TNS1: variants seen among roughly 807,000 people sequenced by gnomAD.
TNS1 encodes the protein tensin 1.
Under a neutral mutation model 168.6 loss-of-function variants are expected in TNS1, and 62 were observed. That is an observed-to-expected ratio of 0.37 (90% confidence interval 0.30 to 0.45). TNS1 has a LOEUF of 0.45. Ranked by LOEUF, TNS1 falls within the 20% of genes least tolerant of loss-of-function variation. TNS1 has a pLI of 1.00. For missense variants in TNS1, 2,240 were observed against 2,339.4 expected, an observed-to-expected ratio of 0.96 and a Z score of 0.88; for synonymous variants, 934 against 933.2, an observed-to-expected ratio of 1.00 and a Z score of -0.02.
chr2:217,975,463 A>G (rs979391146), intron 3 of TNS1, among the ~76,000 whole-genome samples: 2 of 152,168 alleles, frequency 1.3e-5, no homozygotes, highest in Non-Finnish European at 2.9e-5. Flanking sequence ...TGCTGCAGGA[A>G]CAGTGAGGGT....
At chr2:217,830,302 G>C in intron 22 of TNS1, 1 of 1,605,166 alleles carries the variant, frequency 6.2e-7, no homozygotes, top group Non-Finnish European at 8.5e-7. Context: ...CCGACACTCT[G>C]AGTGGGAGGC....
chr2:217,962,825 A>G (rs74422933), intron 3 of TNS1, among the ~76,000 whole-genome samples: 18,027 of 152,156 alleles, frequency 0.12, 1,106 homozygotes, highest in Middle Eastern at 0.16. Context: ...CACGATGACC[A>G]CATGCAATGT....
chr2:217,882,140 C>A (rs565830794), intron 17 of TNS1: 3 of 497,884 alleles, frequency 6.0e-6, no homozygotes, highest in African/African-American at 4.1e-5. Flanking sequence ...GCCTCTCTGT[C>A]TGCTTTTTTA....
At chr2:217,866,685 A>C (rs747828425) in intron 18 of TNS1, among the ~76,000 whole-genome samples, 1 of 152,188 alleles carries the variant, frequency 6.6e-6, no homozygotes, top group Non-Finnish European at 1.5e-5. Context: ...GCTAGTCCGC[A>C]GCCTCTCAGG....
intron 3 of TNS1, among the ~76,000 whole-genome samples, chr2:217,978,029 C>T (rs1957937583): frequency 6.6e-6 from 1 of 152,146 alleles, no homozygotes; most frequent in Admixed American, 6.5e-5. Context: ...GTGCCAATCC[C>T]CCACCCCCTG....
rs932638947 is a variant in TNS1 at position 217,803,477 on chromosome 2, G to A, written c.*982C>T. 1 of 152,404 alleles carries A rather than the reference G, an allele frequency of 6.6e-6. No individual in the cohort carries two copies. Among genetic ancestry groups the A allele is most frequent in the African/African-American group, 2.4e-5 (1 of 41,462 alleles). 9.4% of individuals were successfully genotyped at this position (152,404 alleles called of 1,614,324 possible). ...TTGCTGCTGAGCCACATGCCTTGGG[G>A]AAGACACCCCGAGCTCAACAGCTGC... On this transcript the variant is annotated 3_prime_UTR_variant, in exon 33 of 33. Coordinates refer to ENST00000682258, the MANE Select transcript of TNS1 (RefSeq NM_001387777.1).
rs114653141 is a variant in TNS1, at chr2:217,908,941, C to T, written c.229-1690G>A. Among the ~76,000 whole-genome samples the T allele has an allele frequency of 2.4e-3, 358 of 152,178 alleles. 1 individual carries two copies. The highest frequency in any genetic ancestry group is 7.8e-3 in the African/African-American group (325 of 41,524). ...GAGGAATAATGATGGCACGTTCTGC[C>T]CTCTCTCAGCTCAGCCCTAATCCTA... On this transcript the variant is annotated intron_variant, in intron 4 of 32. Transcript: ENST00000682258.
intron 4 of TNS1, among the ~76,000 whole-genome samples, chr2:217,918,577 A>T (rs186452473): frequency 6.6e-6 from 1 of 152,232 alleles, no homozygotes; most frequent in East Asian, 1.9e-4. Flanking sequence ...CTAACCTCTG[A>T]CCGCTCTTCA....
chr2:217,843,590 T>C (rs1029279528), intron 19 of TNS1, among the ~76,000 whole-genome samples: 1 of 152,162 alleles, frequency 6.6e-6, no homozygotes, highest in African/African-American at 2.4e-5. Flanking sequence ...AATATGCCTT[T>C]GATGTTTTAC....
intron 19 of TNS1, chr2:217,842,230 A>G: frequency 1.6e-6 from 1 of 624,054 alleles, no homozygotes; most frequent in Non-Finnish European, 2.9e-6. Context: ...ACACGTCAAC[A>G]ATTCCCATAT....
chr2:217,817,838 C>T lies in TNS1; in HGVS notation c.4494G>A (p.Val1498=), dbSNP rs749038885. The T allele has an allele frequency of 1.9e-6, 3 of 1,614,230 alleles. No individual in the cohort carries two copies. In the South Asian group the frequency reaches 3.3e-5, roughly 18 times the overall value. ...TGGGGAGGCTGCCTGCCCGGTCTCC[C>T]ACTGACATCCTTCGCTTCTCTGGCA... The part of the protein sequence containing the change: ...PALPEKRRMS[V]GDRAGSLPNY... Residue 1498 remains valine (V), a synonymous_variant, in exon 24 of 33, where the codon GTG becomes GTA. Transcript: ENST00000682258.
At chr2:217,925,514 G>C (rs975283050) in intron 3 of TNS1, among the ~76,000 whole-genome samples, 1 of 152,180 alleles carries the variant, frequency 6.6e-6, no homozygotes, top group Non-Finnish European at 1.5e-5. Context: ...CCTGGGACTG[G>C]AGAGGACAGC....
intron 21 of TNS1, among the ~76,000 whole-genome samples, chr2:217,833,773 A>C (rs945846231): frequency 6.6e-6 from 1 of 152,272 alleles, no homozygotes; most frequent in Non-Finnish European, 1.5e-5. Flanking sequence ...AAACACACAC[A>C]GGGTTTTAAA....
rs1944741743 is a variant in TNS1 at position 217,833,481 on chromosome 2, G to A, written c.3280+1610C>T. Among the ~76,000 whole-genome samples, 4 of 152,398 alleles carry A rather than the reference G, an allele frequency of 2.6e-5. 1 individual carries two copies. The South Asian group carries it at 8.3e-4, about 32-fold the overall frequency. ...CGAGGTACCCATGGCTGGCCAAGAGGAGGGAGAGAAGAAGGCAAAACCCAG... is the reference window on the plus strand; with the variant it reads ...CGAGGTACCCATGGCTGGCCAAGAGAAGGGAGAGAAGAAGGCAAAACCCAG... On this transcript the variant is annotated intron_variant, in intron 21 of 32. Transcript: ENST00000682258.
chr2:217,868,974 G>A (rs1347964184), intron 18 of TNS1, among the ~76,000 whole-genome samples: 4 of 152,244 alleles, frequency 2.6e-5, no homozygotes, highest in Non-Finnish European at 5.9e-5. Context: ...TCAGGGAGAG[G>A]GACATAGAGA....
At chr2:218,023,640 A>G (rs1958828357) in intron 1 of TNS1, among the ~76,000 whole-genome samples, 1 of 152,014 alleles carries the variant, frequency 6.6e-6, no homozygotes, top group Non-Finnish European at 1.5e-5. Flanking sequence ...TACCTTACCC[A>G]CCTTAATGAT....
intron 3 of TNS1, among the ~76,000 whole-genome samples, chr2:217,921,061 G>C (rs1955660261): frequency 6.6e-6 from 1 of 151,720 alleles, no homozygotes; most frequent in Non-Finnish European, 1.5e-5. Context: ...GGGAGGGAAG[G>C]CTCCATCGCT....
upstream of TNS1, among the ~76,000 whole-genome samples, chr2:218,012,730 G>A (rs528569413): frequency 1.4e-4 from 21 of 152,080 alleles, no homozygotes; most frequent in African/African-American, 4.6e-4. Context: ...TTCTGTTTTC[G>A]TCACCAAGGG....
At chr2:218,005,282 GAC>G (rs1364914426), upstream of TNS1, among the ~76,000 whole-genome samples, 7 of 152,196 alleles carry the variant, frequency 4.6e-5, no homozygotes, top group African/African-American at 1.7e-4. Context: ...AAGTCACAGT[GAC>G]ACCAACTTGT....
Sources: allele counts gnomAD v4.1 joint callset (sites outside exome capture counted in the v4.1 genomes callset), GRCh38; gene constraint gnomAD v4.1.1; transcripts MANE v1.5; gene names NCBI Gene and HGNC (gene_info 2026-07-23, HGNC 2026-07-21).